Variants in IQCH observed in about 807,000 individuals in gnomAD.
The protein encoded by IQCH is IQ domain-containing protein H.
Under a neutral mutation model 117.0 loss-of-function variants are expected in IQCH, and 98 were observed. The ratio of observed to expected loss-of-function variants is 0.84; its 90% CI spans 0.71 to 0.99. The LOEUF (loss-of-function observed/expected upper bound fraction) is 0.99. Among genes scored for constraint, IQCH ranks in the 50% least tolerant of loss-of-function variants. IQCH has a pLI of 0.00. For missense variants in IQCH, 1,102 were observed against 1,243.8 expected, an observed-to-expected ratio of 0.89 and a Z score of 1.72; for synonymous variants, 412 against 448.2, an observed-to-expected ratio of 0.92 and a Z score of 1.02.
chr15:67,440,485 C>G (rs973419525), intron 16 of IQCH, among the ~76,000 whole-genome samples: 1 of 152,166 alleles, frequency 6.6e-6, no homozygotes, highest in Non-Finnish European at 1.5e-5. Flanking sequence ...TACTAGCTAA[C>G]CAGATCCAAC....
chr15:67,282,512 C>T (rs1359012440), intron 4 of IQCH, among the ~76,000 whole-genome samples: 1 of 152,118 alleles, frequency 6.6e-6, no homozygotes, highest in Non-Finnish European at 1.5e-5. Flanking sequence ...CTGACTTTGC[C>T]TCCAGAGCCT....
At chr15:67,299,148 A>G (rs1966898441) in intron 4 of IQCH, among the ~76,000 whole-genome samples, 1 of 151,998 alleles carries the variant, frequency 6.6e-6, no homozygotes. Flanking sequence ...TCATTATGTT[A>G]AGTGAAATAA....
chr15:67,338,893 C>G (rs1214983549), intron 5 of IQCH, among the ~76,000 whole-genome samples: 2 of 152,158 alleles, frequency 1.3e-5, no homozygotes, highest in Non-Finnish European at 2.9e-5. Context: ...GCCACCTAGG[C>G]CTTCGCTCTC....
intron 16 of IQCH, among the ~76,000 whole-genome samples, chr15:67,428,579 G>A (rs900053224): frequency 2.8e-4 from 43 of 152,030 alleles, no homozygotes; most frequent in Middle Eastern, 6.8e-3. Flanking sequence ...GGCCGGGTGC[G>A]GTGACTCACA....
chr15:67,444,108 G>A (rs976496497), intron 16 of IQCH, among the ~76,000 whole-genome samples: 1 of 152,180 alleles, frequency 6.6e-6, no homozygotes, highest in African/African-American at 2.4e-5. Flanking sequence ...TATCACCAAA[G>A]AAAACGTATG....
At chr15:67,418,031 A>G (rs1300369451) in intron 15 of IQCH, among the ~76,000 whole-genome samples, 1 of 152,152 alleles carries the variant, frequency 6.6e-6, no homozygotes, top group Non-Finnish European at 1.5e-5. Context: ...AACTTTTCAA[A>G]GCTTCCTACC....
intron 4 of IQCH, among the ~76,000 whole-genome samples, chr15:67,289,983 G>A (rs1223794362): frequency 6.6e-6 from 1 of 152,076 alleles, no homozygotes; most frequent in African/African-American, 2.4e-5. Flanking sequence ...GACATCACGT[G>A]CAGCATCATG....
chr15:67,279,636 C>A, intron 4 of IQCH, 124 bp downstream of exon 4: 1 of 568,664 alleles, frequency 1.8e-6, no homozygotes, highest in Non-Finnish European at 3.2e-6. Flanking sequence ...TGAACATGTT[C>A]TAGAATTATA....
At chr15:67,263,077 C>A in intron 2 of IQCH, 45 bp from the exon 3 acceptor site, 1 of 1,024,418 alleles carries the variant, frequency 9.8e-7, no homozygotes, top group Non-Finnish European at 1.5e-6. Flanking sequence ...AGCTGAGTAT[C>A]TTAAGTCCAC....
chr15:67,313,646 T>G (rs1967709280), intron 4 of IQCH, among the ~76,000 whole-genome samples: 1 of 152,162 alleles, frequency 6.6e-6, no homozygotes, highest in African/African-American at 2.4e-5. Flanking sequence ...CTTTGCCTAA[T>G]CAAGTTGTAG....
intron 4 of IQCH, among the ~76,000 whole-genome samples, chr15:67,309,692 C>T (rs1279224450): frequency 1.3e-5 from 2 of 151,722 alleles, no homozygotes; most frequent in African/African-American, 4.8e-5. Context: ...CTAGTGTTTC[C>T]AAGAGCAGGT....
intron 12 of IQCH, among the ~76,000 whole-genome samples, chr15:67,389,932 G>A (rs1234081710): frequency 6.6e-6 from 1 of 151,610 alleles, no homozygotes; most frequent in Non-Finnish European, 1.5e-5. Context: ...CCAGGACTGG[G>A]GGAGTTTCTA....
chr15:67,417,029 C>T lies in IQCH; in HGVS notation c.2196C>T (p.Phe732=). ...AACGGTTCCCGACGTGGAGGAAATT[C>T]CTCCAAACATTTCTCAGTCAAGGTA... ...NEKRFPTWRK[F]LQTFLSQGGV... The change falls in exon 15 of 21, where the codon TTC becomes TTT. Residue 732 remains phenylalanine, a synonymous_variant. Transcript: ENST00000335894. This position sits in a 1 kb window ranked among gnomAD's most constrained non-coding sequence, Gnocchi z 4.3. 4 of 1,608,950 alleles carry T rather than the reference C, an allele frequency of 2.5e-6. No individual in the cohort carries two copies. Among genetic ancestry groups the T allele is most frequent in the Middle Eastern group, 3.3e-4 (2 of 6,038 alleles).
chr15:67,394,485 A>G (rs1041200052), intron 12 of IQCH, among the ~76,000 whole-genome samples: 5 of 152,074 alleles, frequency 3.3e-5, no homozygotes, highest in African/African-American at 9.7e-5. Flanking sequence ...GCCCCATCTC[A>G]GTTATGTGTT....
At chr15:67,396,768 T>C (rs1412385448) in intron 13 of IQCH, among the ~76,000 whole-genome samples, 1 of 152,210 alleles carries the variant, frequency 6.6e-6, no homozygotes, top group Non-Finnish European at 1.5e-5. Context: ...CTGATCATGA[T>C]GCTCTGCACC....
rs977097249 is a variant in IQCH, at chr15:67,466,447, G to A, written c.2676+1150G>A. The A allele has an allele frequency of 1.3e-5, 2 of 152,162 alleles. No individual in the cohort carries two copies. Among genetic ancestry groups the A allele is most frequent in the African/African-American group, 2.4e-5 (1 of 41,426 alleles). 9.4% of individuals were successfully genotyped at this position (152,162 alleles called of 1,614,324 possible). On this transcript the variant is annotated intron_variant, in intron 17 of 20. Coordinates refer to ENST00000335894, the MANE Select transcript of IQCH (RefSeq NM_001031715.3). This position sits in a 1 kb window ranked among gnomAD's most constrained non-coding sequence, Gnocchi z 4.4. Reference sequence around the variant, plus strand: ...CCAAATATATCAAACAGATAAAAGAGGAACTCTAGTGATTAATGGGACCCA... The same window carrying A: ...CCAAATATATCAAACAGATAAAAGAAGAACTCTAGTGATTAATGGGACCCA...
rs530811419 is a variant in IQCH at position 67,388,924 on chromosome 15, T to C, written c.1550T>C (p.Val517Ala). Residue 517 changes from valine (V) to alanine (A), a missense_variant, in exon 12 of 21, where the codon GTC becomes GCC. Val to Ala is a moderately conservative substitution (Grantham distance 64, BLOSUM62 0). Transcript: ENST00000335894. The surrounding 1 kb of genome is among the most constrained non-coding windows in gnomAD (Gnocchi z 5.5). ...AAAATCCTAAGTCTACATGCAGCCG[T>C]CAAATCTGGGAACCTTGAGGACAGA... ...YKKILSLHAA[V>A]KSGNLEDRSD... is the part of the protein sequence containing the mutation. 1 of 1,613,956 alleles carries C rather than the reference T, an allele frequency of 6.2e-7. No homozygotes were observed. Among genetic ancestry groups the C allele is most frequent in the African/African-American group, 1.3e-5 (1 of 75,028 alleles).
At chr15:67,323,292 G>C in intron 4 of IQCH, among the ~76,000 whole-genome samples, 1 of 141,910 alleles carries the variant, frequency 7.0e-6, no homozygotes, top group Non-Finnish European at 1.5e-5. Flanking sequence ...GTCCAGGCTG[G>C]AGTGCAGTGG....
Position 67,376,851 on chromosome 15 carries a change from G to A in IQCH, c.1372+3418G>A, listed in dbSNP as rs1391306431. 2.0e-5 allele frequency among the ~76,000 whole-genome samples: 3 copies of A among 152,038 alleles called. No individual in the cohort carries two copies. Among genetic ancestry groups the A allele is most frequent in the African/African-American group, 7.2e-5 (3 of 41,384 alleles). ...AGGAGGACTTAGGCCAGGTGTGATG[G>A]CTCACGCCTGTAATCCCAATCCTTC... is the stretch of plus-strand genomic sequence containing the variant. On this transcript the variant is annotated intron_variant, in intron 10 of 20. Coordinates refer to ENST00000335894, the MANE Select transcript of IQCH (RefSeq NM_001031715.3). The surrounding 1 kb of genome is among the most constrained non-coding windows in gnomAD (Gnocchi z 5.0).
Sources: allele counts gnomAD v4.1 joint callset (sites outside exome capture counted in the v4.1 genomes callset), GRCh38; gene constraint gnomAD v4.1.1; non-coding constraint Gnocchi (gnomAD v3.1); transcripts MANE v1.5; gene names NCBI Gene and HGNC (gene_info 2026-07-23, HGNC 2026-07-21).